The following ST8SIA6 variants were observed in gnomAD, a reference collection of about 807,000 sequenced individuals.
The protein encoded by ST8SIA6 is alpha-2,8-sialyltransferase 8F.
Under a neutral mutation model 33.6 loss-of-function variants are expected in ST8SIA6, and 39 were observed. The observed-to-expected ratio is 1.16, with a 90% confidence interval of 0.90 to 1.52. ST8SIA6 has a LOEUF of 1.52. ST8SIA6 is among the 40% of genes most tolerant of loss of function. The pLI is 0.00. For synonymous variants in ST8SIA6, 172 were observed against 167.2 expected (o/e 1.03, Z -0.22); for missense variants, 441 against 443.8 (o/e 0.99, Z 0.06).
intron 3 of ST8SIA6, among the ~76,000 whole-genome samples, chr10:17,373,303 C>T (rs1849792661): frequency 6.6e-6 from 1 of 152,230 alleles, no homozygotes; most frequent in South Asian, 2.1e-4. Flanking sequence ...AATTCCACCT[C>T]ATTTAAATCC....
chr10:17,402,725 G>A (rs1181644130), intron 2 of ST8SIA6, among the ~76,000 whole-genome samples: 1 of 152,010 alleles, frequency 6.6e-6, no homozygotes, highest in Non-Finnish European at 1.5e-5. Context: ...ATTGAACAAT[G>A]AGAACACTTG....
intron 4 of ST8SIA6, among the ~76,000 whole-genome samples, chr10:17,343,224 A>G (rs1335553821): frequency 6.6e-6 from 1 of 152,194 alleles, no homozygotes; most frequent in Non-Finnish European, 1.5e-5. Flanking sequence ...CAAGGTAACA[A>G]AGGTGAACAA....
At chr10:17,324,379 A>C (rs1453899527) in intron 6 of ST8SIA6, among the ~76,000 whole-genome samples, 1 of 152,138 alleles carries the variant, frequency 6.6e-6, no homozygotes, top group Admixed American at 6.5e-5. Flanking sequence ...TGGTAAAATA[A>C]ATATGAATCA....
At chr10:17,337,578 A>G (rs559648334) in intron 4 of ST8SIA6, among the ~76,000 whole-genome samples, 7 of 152,348 alleles carry the variant, frequency 4.6e-5, no homozygotes, top group Middle Eastern at 3.4e-3. Flanking sequence ...AGTGATAAGC[A>G]TATGCTCTTT....
chr10:17,336,969 A>ACATGGTTTGGGT (rs1442149323), intron 4 of ST8SIA6, among the ~76,000 whole-genome samples: 2 of 152,128 alleles, frequency 1.3e-5, no homozygotes, highest in Non-Finnish European at 2.9e-5. Context: ...CTACCATATG[A>ACATGGTTTGGGT]CATGGTTTGG....
At chr10:17,438,319 G>C (rs1269541505) in intron 2 of ST8SIA6, among the ~76,000 whole-genome samples, 1 of 152,036 alleles carries the variant, frequency 6.6e-6, no homozygotes, top group South Asian at 2.1e-4. Context: ...TGTGTATTCG[G>C]CATTAAACCG....
At position 17,416,770 on chromosome 10, in the gene ST8SIA6, C is replaced by G. The variant is rs1375474423; in HGVS notation, c.201-26150G>C. On this transcript the variant is annotated intron_variant, in intron 2 of 7. Coordinates refer to ENST00000377602, the MANE Select transcript of ST8SIA6 (RefSeq NM_001004470.3). Reference sequence around the variant, plus strand: ...CAATTGCCTGACTGCCACACATTCTCTATGCAGCTATCAGAGTACTCTTTT... The same window carrying G: ...CAATTGCCTGACTGCCACACATTCTGTATGCAGCTATCAGAGTACTCTTTT... 2.0e-5 allele frequency among the ~76,000 whole-genome samples: 3 copies of G among 152,330 alleles called. No homozygotes were observed. In the East Asian group the frequency reaches 5.8e-4, roughly 29 times the overall value.
Position 17,371,782 on chromosome 10 carries a change from T to TAAAAAA in ST8SIA6, c.291-12183_291-12182insTTTTTT, listed in dbSNP as rs202019274. ...GCCTGGGTGACAGAGCAAGACTCCA[T>TAAAAAA]TAAAAAAAAAAAAAAAAAAAAGAAA... On this transcript the variant is annotated intron_variant, in intron 3 of 7. Transcript: ENST00000377602. Among the ~76,000 whole-genome samples, 671 of 89,132 alleles carry TAAAAAA rather than the reference T, an allele frequency of 7.5e-3. 8 individuals are homozygous for TAAAAAA. The highest frequency in any genetic ancestry group is 0.012 in the African/African-American group (260 of 22,570). The allele number at this position is 89,132 out of a possible 152,430, so 58.5% of individuals were successfully genotyped here.
At chr10:17,416,309 C>T (rs1851606182) in intron 2 of ST8SIA6, among the ~76,000 whole-genome samples, 1 of 152,142 alleles carries the variant, frequency 6.6e-6, no homozygotes, top group South Asian at 2.1e-4. Flanking sequence ...CTTTTCTTCT[C>T]CACCTATCTC....
Position 17,454,057 on chromosome 10 carries a change from G to A in ST8SIA6, c.101+98C>T, listed in dbSNP as rs1021591147. Reference sequence around the variant, plus strand: ...GGGCTGCTCCCCGCCGCGGCCAAAAGTCTCCGCGCCCGAGGGGAAGCGATG... The same window carrying A: ...GGGCTGCTCCCCGCCGCGGCCAAAAATCTCCGCGCCCGAGGGGAAGCGATG... On this transcript the variant is annotated intron_variant, in intron 1 of 7. Transcript: ENST00000377602. This position sits in a 1 kb window ranked among gnomAD's most constrained non-coding sequence, Gnocchi z 4.1. 6 of 239,440 alleles carry A rather than the reference G, an allele frequency of 2.5e-5. No individual in the cohort carries two copies. In the Admixed American group the frequency reaches 3.3e-4, roughly 13 times the overall value. 14.8% of individuals were successfully genotyped at this position (239,440 alleles called of 1,614,324 possible).
intron 5 of ST8SIA6, among the ~76,000 whole-genome samples, chr10:17,328,818 G>C (rs953826647): frequency 6.6e-6 from 1 of 152,290 alleles, no homozygotes; most frequent in African/African-American, 2.4e-5. Context: ...GAACGAACCT[G>C]ACCCTGGCCT....
At chr10:17,343,446 A>G (rs923671114) in intron 4 of ST8SIA6, among the ~76,000 whole-genome samples, 14 of 152,346 alleles carry the variant, frequency 9.2e-5, no homozygotes, top group Admixed American at 3.9e-4. Context: ...ATGAGCTCAG[A>G]AAATAGTTTC....
intron 5 of ST8SIA6, 65 bp downstream of exon 5, chr10:17,331,343 C>A: frequency 6.6e-7 from 1 of 1,526,084 alleles, no homozygotes; most frequent in Non-Finnish European, 8.8e-7. Flanking sequence ...TAAGTTACAG[C>A]TTAAAGTAAA....
intron 2 of ST8SIA6, among the ~76,000 whole-genome samples, chr10:17,422,469 C>T (rs1202084088): frequency 6.6e-6 from 1 of 152,070 alleles, no homozygotes; most frequent in African/African-American, 2.4e-5. Context: ...TTCTCTTTAC[C>T]AAATGTTAGC....
intron 2 of ST8SIA6, among the ~76,000 whole-genome samples, chr10:17,432,273 G>A (rs1039083441): frequency 2.6e-5 from 4 of 152,152 alleles, no homozygotes; most frequent in African/African-American, 9.7e-5. Context: ...GTGAACTGAG[G>A]AGTCACTGGA....
At position 17,326,933 on chromosome 10, in the gene ST8SIA6, C is replaced by G. The variant is rs540414506; in HGVS notation, c.635+81G>C. ...AACAGAGCTCAAAGGTGAAAATATA[C>G]AATGGATATCTTTACACTATCCCCC... On this transcript the variant is annotated intron_variant, in intron 6 of 7. Transcript: ENST00000377602. 7.2e-6 allele frequency: 7 copies of G among 978,232 alleles called. No homozygotes were observed. In the African/African-American group the frequency reaches 1.2e-4, roughly 17 times the overall value. The allele number at this position is 978,232 out of a possible 1,614,324, so 60.6% of individuals were successfully genotyped here.
Position 17,316,917 on chromosome 10 carries a change from G to A in ST8SIA6, c.*3961C>T, listed in dbSNP as rs1847793716. Among the ~76,000 whole-genome samples the A allele has an allele frequency of 6.6e-6, 1 of 151,776 alleles. No homozygotes were observed. The highest frequency in any genetic ancestry group is 6.6e-5 in the Admixed American group (1 of 15,230). ...CTGTCCCCAGCCTATTAACTTTAAGGTGTCATTCACTGACTAGAACTCTTT... is the reference window on the plus strand; with the variant it reads ...CTGTCCCCAGCCTATTAACTTTAAGATGTCATTCACTGACTAGAACTCTTT... On this transcript the variant is annotated 3_prime_UTR_variant, in exon 8 of 8. Transcript: ENST00000377602.
Position 17,321,014 on chromosome 10 carries a change from G to T in ST8SIA6, c.1061C>A (p.Pro354His), listed in dbSNP as rs201378551. The T allele has an allele frequency of 2.5e-5, 40 of 1,614,054 alleles. No individual in the cohort carries two copies. In the Admixed American group the frequency reaches 6.5e-4, roughly 26 times the overall value. Residue 354 changes from proline to histidine, a missense_variant, in exon 8 of 8, where the codon CCT becomes CAT. Physicochemically the swap from Pro to His is moderately conservative, Grantham distance 77. Coordinates refer to ENST00000377602, the MANE Select transcript of ST8SIA6 (RefSeq NM_001004470.3). ...GTTGTCATAATAGTGATGGCTGACA[G>T]GTATGTCTTCTACAGTTTTAGAGAA... ...WPFSKTVEDIPVSHHYYDNKL... is the reference protein window; with the variant it reads ...WPFSKTVEDIHVSHHYYDNKL...
intron 3 of ST8SIA6, among the ~76,000 whole-genome samples, chr10:17,380,400 A>C (rs1236977957): frequency 6.6e-6 from 1 of 152,172 alleles, no homozygotes; most frequent in East Asian, 1.9e-4. Context: ...AATTTGTGTG[A>C]TCATTGTTAG....
Sources: gnomAD v4.1 joint callset for allele counts (sites outside exome capture counted in the v4.1 genomes callset) on GRCh38, gnomAD v4.1.1 for gene constraint, Gnocchi (gnomAD v3.1) non-coding constraint, MANE v1.5 for transcripts, NCBI Gene and HGNC (gene_info 2026-07-23, HGNC 2026-07-21) for gene names.